The following CAMKMT variants were observed in gnomAD, a reference collection of about 807,000 sequenced individuals.
CAMKMT encodes CaM KMT.
Under a neutral mutation model 48.0 loss-of-function variants are expected in CAMKMT, and 53 were observed. The observed-to-expected ratio is 1.10, with a 90% CI of 0.89 to 1.39. The LOEUF (loss-of-function observed/expected upper bound fraction) is 1.39. CAMKMT is among the 40% of genes most tolerant of loss of function. The probability of loss-of-function intolerance (pLI) is 0.00; values close to 1 mark genes in which losing one functional copy is unlikely to be tolerated. For synonymous variants in CAMKMT, 165 were observed against 152.3 expected, an observed-to-expected ratio of 1.08 and a Z score of -0.61; for missense variants, 428 against 402.7, an observed-to-expected ratio of 1.06 and a Z score of -0.54.
intron 3 of CAMKMT, among the ~76,000 whole-genome samples, chr2:44,476,128 G>A (rs1201008835): frequency 1.3e-5 from 2 of 152,124 alleles, no homozygotes; most frequent in South Asian, 2.1e-4. Flanking sequence ...TGTCCTCAGG[G>A]TAGCACTGTA....
At chr2:44,630,292 C>T (rs1672739064) in intron 3 of CAMKMT, among the ~76,000 whole-genome samples, 1 of 151,902 alleles carries the variant, frequency 6.6e-6, no homozygotes, top group Non-Finnish European at 1.5e-5. Context: ...CCATAAAAAC[C>T]CTAGAAGAAA....
chr2:44,685,358 A>T (rs894331731), intron 3 of CAMKMT, among the ~76,000 whole-genome samples: 3 of 152,204 alleles, frequency 2.0e-5, no homozygotes, highest in African/African-American at 7.2e-5. Flanking sequence ...GGAGGGAGAA[A>T]GCAATGGGCA....
At chr2:44,467,899 C>G (rs970201139) in intron 3 of CAMKMT, among the ~76,000 whole-genome samples, 1 of 152,220 alleles carries the variant, frequency 6.6e-6, no homozygotes, top group Admixed American at 6.5e-5. Context: ...AACTATGAAA[C>G]TACCAGAAGA....
intron 3 of CAMKMT, among the ~76,000 whole-genome samples, chr2:44,539,000 GTGTA>G (rs1323949814): frequency 1.4e-4 from 16 of 115,720 alleles, no homozygotes; most frequent in Non-Finnish European, 2.0e-4. Flanking sequence ...GTGTGTGTGT[GTGTA>G]TGTATATAAT....
intron 8 of CAMKMT, among the ~76,000 whole-genome samples, chr2:44,752,187 G>C (rs1240364385): frequency 6.6e-6 from 1 of 151,932 alleles, no homozygotes; most frequent in African/African-American, 2.4e-5. Context: ...CAGAGATTCA[G>C]CTGTACTTTC....
chr2:44,421,698 C>T (rs995368086), intron 3 of CAMKMT, among the ~76,000 whole-genome samples: 12 of 152,274 alleles, frequency 7.9e-5, no homozygotes, highest in African/African-American at 2.6e-4. Flanking sequence ...TGAAAGCATT[C>T]TCTTTTTCTT....
At chr2:44,628,170 ACT>A (rs1279050048) in intron 3 of CAMKMT, among the ~76,000 whole-genome samples, 1 of 151,180 alleles carries the variant, frequency 6.6e-6, no homozygotes, top group Non-Finnish European at 1.5e-5. Flanking sequence ...CTAGTCTCAA[ACT>A]CTTGAGCTCG....
chr2:44,402,256 G>A (rs1359309095), intron 3 of CAMKMT, among the ~76,000 whole-genome samples: 3 of 146,966 alleles, frequency 2.0e-5, no homozygotes, highest in Non-Finnish European at 4.5e-5. Flanking sequence ...TTGAACCCGG[G>A]AGGCAGAGCT....
chr2:44,388,457 G>T (rs941785884), intron 2 of CAMKMT, among the ~76,000 whole-genome samples: 3 of 151,950 alleles, frequency 2.0e-5, no homozygotes, highest in Non-Finnish European at 1.5e-5. Flanking sequence ...CCTTTCTCTG[G>T]TGCCTCCCTG....
At chr2:44,512,876 A>G (rs1451757958) in intron 3 of CAMKMT, among the ~76,000 whole-genome samples, 1 of 152,250 alleles carries the variant, frequency 6.6e-6, no homozygotes, top group South Asian at 2.1e-4. Context: ...TATTCCTAGG[A>G]TCTCCTGAAG....
At chr2:44,395,278 A>G (rs981564078) in intron 3 of CAMKMT, among the ~76,000 whole-genome samples, 3 of 152,200 alleles carry the variant, frequency 2.0e-5, no homozygotes, top group African/African-American at 7.2e-5. Context: ...GTGTATATGT[A>G]TATGTAGTTA....
intron 3 of CAMKMT, among the ~76,000 whole-genome samples, chr2:44,696,328 G>A (rs1573099800): frequency 6.6e-6 from 1 of 152,146 alleles, no homozygotes; most frequent in African/African-American, 2.4e-5. Flanking sequence ...TTATATAAGG[G>A]ACTTTAATAT....
intron 3 of CAMKMT, among the ~76,000 whole-genome samples, chr2:44,575,196 G>A (rs1572835930): frequency 1.3e-5 from 2 of 151,710 alleles, no homozygotes; most frequent in Non-Finnish European, 2.9e-5. Context: ...CTCCTGCCTC[G>A]GTCTCCTGAG....
At chr2:44,619,796 GGTTTCATAC>G (rs1672079022) in intron 3 of CAMKMT, among the ~76,000 whole-genome samples, 1 of 152,058 alleles carries the variant, frequency 6.6e-6, no homozygotes, top group African/African-American at 2.4e-5. Flanking sequence ...CTGACCCTAT[GGTTTCATAC>G]CTATACAATG....
At chr2:44,751,103 C>T (rs1304660090) in intron 8 of CAMKMT, among the ~76,000 whole-genome samples, 1 of 152,136 alleles carries the variant, frequency 6.6e-6, no homozygotes, top group Non-Finnish European at 1.5e-5. Flanking sequence ...CAATGAAATG[C>T]AGGGACCTGG....
chr2:44,428,201 C>A (rs1163043635), intron 3 of CAMKMT, among the ~76,000 whole-genome samples: 14 of 152,062 alleles, frequency 9.2e-5, no homozygotes, highest in Non-Finnish European at 4.4e-5. Context: ...ATGGTGAATG[C>A]GGAGATTTCA....
At chr2:44,513,556 GA>G (rs1410353881) in intron 3 of CAMKMT, among the ~76,000 whole-genome samples, 1 of 152,128 alleles carries the variant, frequency 6.6e-6, no homozygotes, top group African/African-American at 2.4e-5. Context: ...TGAAACTTAA[GA>G]AAGATGTTTC....
intron 3 of CAMKMT, among the ~76,000 whole-genome samples, chr2:44,560,228 G>T (rs1668249709): frequency 6.6e-6 from 1 of 152,126 alleles, no homozygotes; most frequent in Non-Finnish European, 1.5e-5. Flanking sequence ...TCTATCTGAG[G>T]CTTAGTTAAA....
chr2:44,590,166 T>A (rs1274806393), intron 3 of CAMKMT, among the ~76,000 whole-genome samples: 1 of 152,082 alleles, frequency 6.6e-6, no homozygotes, highest in African/African-American at 2.4e-5. Flanking sequence ...TAGTATAGTG[T>A]TTAATAGAAG....
Sources: gnomAD v4.1 joint callset for allele counts (sites outside exome capture counted in the v4.1 genomes callset) on GRCh38, gnomAD v4.1.1 for gene constraint, MANE v1.5 for transcripts, NCBI Gene and HGNC (gene_info 2026-07-23, HGNC 2026-07-21) for gene names.